Variants in CLEC16A observed in about 807,000 individuals in gnomAD.
The protein encoded by CLEC16A is C-type lectin domain containing 16A.
Under a neutral mutation model 109.5 loss-of-function variants are expected in CLEC16A, and 51 were observed. That is an observed-to-expected ratio of 0.47 (90% CI 0.37 to 0.59). CLEC16A has a LOEUF of 0.59. CLEC16A is among the 20% of genes least tolerant of loss of function. The pLI is 0.00. For missense variants in CLEC16A, 1,339 were observed against 1,394.0 expected (o/e 0.96, Z 0.63); for synonymous variants, 673 against 564.2 (o/e 1.19, Z -2.73).
chr16:11,155,226 C>T (rs2054462298), intron 22 of CLEC16A, among the ~76,000 whole-genome samples: 2 of 152,058 alleles, frequency 1.3e-5, no homozygotes, highest in Admixed American at 1.3e-4. Context: ...GCTACCTGAA[C>T]ATTTAGATTG....
At chr16:11,152,875 G>A (rs1041130503) in intron 22 of CLEC16A, among the ~76,000 whole-genome samples, 20 of 152,220 alleles carry the variant, frequency 1.3e-4, no homozygotes, top group East Asian at 5.8e-4. Context: ...ATCTGCGTTC[G>A]GGCGCCAGGG....
chr16:11,108,163 C>G (rs1189984967), intron 19 of CLEC16A, among the ~76,000 whole-genome samples: 1 of 152,278 alleles, frequency 6.6e-6, no homozygotes, highest in Non-Finnish European at 1.5e-5. Flanking sequence ...ACCATGAGGG[C>G]AGGCTGCTGA....
chr16:11,041,952 G>T (rs1008723873), intron 14 of CLEC16A: 15 of 297,616 alleles, frequency 5.0e-5, no homozygotes, highest in African/African-American at 2.4e-4. Context: ...AGGAAGTGGG[G>T]GTGCAGGGCC....
At chr16:10,980,863 C>G (rs530124639) in intron 9 of CLEC16A, among the ~76,000 whole-genome samples, 1 of 152,210 alleles carries the variant, frequency 6.6e-6, no homozygotes, top group Non-Finnish European at 1.5e-5. Flanking sequence ...AAAGCCCCTA[C>G]TTCAATATAA....
intron 2 of CLEC16A, 108 bp from the exon 3 acceptor site, chr16:10,962,347 T>TG: frequency 7.3e-7 from 1 of 1,370,354 alleles, no homozygotes; most frequent in Non-Finnish European, 1.0e-6. Flanking sequence ...GCAGATACCT[T>TG]GGGGGAGAGG....
intron 19 of CLEC16A, among the ~76,000 whole-genome samples, chr16:11,071,753 ATTTTTTTT>A (rs71136611): frequency 1.6e-5 from 1 of 61,298 alleles, no homozygotes; most frequent in African/African-American, 7.6e-5. Flanking sequence ...CACCTGGCTG[ATTTTTTTT>A]TTTTTTTTTT....
intron 22 of CLEC16A, among the ~76,000 whole-genome samples, chr16:11,154,548 T>C (rs2054429920): frequency 6.6e-6 from 1 of 152,238 alleles, no homozygotes; most frequent in African/African-American, 2.4e-5. Flanking sequence ...AGGAAGACTT[T>C]TGTTTTGTGT....
rs138051353 is a variant in CLEC16A at position 11,117,673 on chromosome 16, C to G, written c.2117-2942C>G. Among the ~76,000 whole-genome samples the G allele has an allele frequency of 8.1e-3, 1,240 of 152,282 alleles. 15 individuals carry two copies. Among genetic ancestry groups the G allele is most frequent in the African/African-American group, 0.028 (1,171 of 41,538 alleles). On this transcript the variant is annotated intron_variant, in intron 19 of 23. Transcript: ENST00000409790. Reference sequence around the variant, plus strand: ...TTAATACTTCTCCCACACACACACACTCCTACCCCCAATTCTCACTTCACT... The same window carrying G: ...TTAATACTTCTCCCACACACACACAGTCCTACCCCCAATTCTCACTTCACT...
At chr16:11,091,559 G>A (rs1020297031) in intron 19 of CLEC16A, among the ~76,000 whole-genome samples, 1 of 152,204 alleles carries the variant, frequency 6.6e-6, no homozygotes, top group Non-Finnish European at 1.5e-5. Context: ...GCGCTGGCTC[G>A]GAGATGGGTA....
At chr16:11,093,230 G>C (rs2050415850) in intron 19 of CLEC16A, among the ~76,000 whole-genome samples, 1 of 152,240 alleles carries the variant, frequency 6.6e-6, no homozygotes, top group South Asian at 2.1e-4. Flanking sequence ...AGGGCAGTAG[G>C]CTTCACTGGA....
chr16:11,099,282 C>T (rs1040132244), intron 19 of CLEC16A, among the ~76,000 whole-genome samples: 1 of 152,208 alleles, frequency 6.6e-6, no homozygotes, highest in African/African-American at 2.4e-5. Context: ...GACAGGGTCT[C>T]GTTTTCTTCC....
Position 10,982,059 on chromosome 16 carries a change from A to G in CLEC16A, c.958-819A>G, listed in dbSNP as rs571526597. ...CATATGTAAATAAGCAAATACAAAC[A>G]TGCACACGCTTTTCTATGCAAATGG... On this transcript the variant is annotated intron_variant, in intron 9 of 23. Transcript: ENST00000409790. Among the ~76,000 whole-genome samples, 8 of 152,334 alleles carry G rather than the reference A, an allele frequency of 5.3e-5. No homozygotes were observed. In the South Asian group the frequency reaches 1.7e-3, roughly 32 times the overall value.
chr16:11,015,759 GC>G (rs1481374682), intron 11 of CLEC16A, among the ~76,000 whole-genome samples: 6 of 152,268 alleles, frequency 3.9e-5, no homozygotes, highest in African/African-American at 1.4e-4. Flanking sequence ...ACAAAGCTTG[GC>G]CTCCAGGCCA....
chr16:11,155,933 T>C (rs1348241623), intron 22 of CLEC16A, among the ~76,000 whole-genome samples: 1 of 152,218 alleles, frequency 6.6e-6, no homozygotes, highest in African/African-American at 2.4e-5. Context: ...CTGGCCCCTT[T>C]GTACAGTGCC....
In CLEC16A at chr16:11,179,837, A is replaced by C. The variant is rs1222406785; in HGVS notation, c.*1147A>C. 4 of 152,364 alleles carry C rather than the reference A, an allele frequency of 2.6e-5. No individual in the cohort carries two copies. Among genetic ancestry groups the C allele is most frequent in the Admixed American group, 1.3e-4 (2 of 15,282 alleles). The allele number at this position is 152,364 out of a possible 1,614,324, so 9.4% of individuals were successfully genotyped here. A position where few individuals can be genotyped will look rare whatever the true frequency, so the allele number is the denominator to read the frequency against. On this transcript the variant is annotated 3_prime_UTR_variant, in exon 24 of 24. Transcript: ENST00000409790. ...TCCCTCTGCTACTGCTGCTGATCTGAATATGGAAACCCCATGGTTCCCTTC... is the reference window on the plus strand; with the variant it reads ...TCCCTCTGCTACTGCTGCTGATCTGCATATGGAAACCCCATGGTTCCCTTC...
intron 19 of CLEC16A, among the ~76,000 whole-genome samples, chr16:11,114,466 G>A (rs754005281): frequency 1.3e-5 from 2 of 152,098 alleles, no homozygotes; most frequent in Non-Finnish European, 2.9e-5. Context: ...TGAGTGTCAG[G>A]CAGGGAGGCT....
At chr16:11,104,113 TG>T (rs1315322177) in intron 19 of CLEC16A, among the ~76,000 whole-genome samples, 3 of 152,050 alleles carry the variant, frequency 2.0e-5, no homozygotes, top group African/African-American at 7.3e-5. Flanking sequence ...AGTTTTGTTT[TG>T]GGGGGTTTTT....
At chr16:11,076,768 T>G (rs915381336) in intron 19 of CLEC16A, among the ~76,000 whole-genome samples, 1 of 152,152 alleles carries the variant, frequency 6.6e-6, no homozygotes, top group African/African-American at 2.4e-5. Flanking sequence ...CCCAGGAAGC[T>G]GGCCTGCCAA....
chr16:10,996,023 C>G (rs1008893591), intron 10 of CLEC16A, among the ~76,000 whole-genome samples: 1 of 152,124 alleles, frequency 6.6e-6, no homozygotes, highest in Non-Finnish European at 1.5e-5. Flanking sequence ...CTCTGGCCAC[C>G]GGTCTCTCTT....
Sources: allele counts gnomAD v4.1 joint callset (sites outside exome capture counted in the v4.1 genomes callset), GRCh38; gene constraint gnomAD v4.1.1; transcripts MANE v1.5; gene names NCBI Gene and HGNC (gene_info 2026-07-23, HGNC 2026-07-21).